ZFPM2: variants seen among roughly 807,000 people sequenced by gnomAD.
The protein encoded by ZFPM2 is zinc finger protein ZFPM2.
In ZFPM2, 20 loss-of-function variants were observed where a neutral mutation model predicts 98.6. The ratio of observed to expected loss-of-function variants is 0.20; its 90% CI spans 0.14 to 0.29. ZFPM2 has a LOEUF of 0.29. Among genes scored for constraint, ZFPM2 ranks in the 10% least tolerant of loss-of-function variants. ZFPM2 has a pLI of 1.00. For missense variants in ZFPM2, 1,310 were observed against 1,388.6 expected (o/e 0.94, Z 0.90); for synonymous variants, 518 against 502.7 (o/e 1.03, Z -0.41).
chr8:105,760,619 T>A (rs566604524), intron 5 of ZFPM2, among the ~76,000 whole-genome samples: 1 of 152,196 alleles, frequency 6.6e-6, no homozygotes, highest in East Asian at 1.9e-4. Context: ...ATTTAAATCA[T>A]GATATGGTTT....
rs200726501 is a variant in ZFPM2 at position 105,360,630 on chromosome 8, G to C, written c.40+41649G>C. On this transcript the variant is annotated intron_variant, in intron 1 of 7. Transcript: ENST00000407775. ...CAGTGCTATCCCTCCCCCCTCCCCC[G>C]ACCCCACAACAGTCCCCAGAGTGTG... Among the ~76,000 whole-genome samples, 583 of 100,722 alleles carry C rather than the reference G, an allele frequency of 5.8e-3. 5 individuals carry two copies. The highest frequency in any genetic ancestry group is 0.023 in the African/African-American group (558 of 24,308). 66.1% of individuals were successfully genotyped at this position (100,722 alleles called of 152,430 possible).
At chr8:105,391,234 T>C (rs1811101713) in intron 1 of ZFPM2, among the ~76,000 whole-genome samples, 2 of 152,218 alleles carry the variant, frequency 1.3e-5, no homozygotes, top group Admixed American at 1.3e-4. Flanking sequence ...ATTCTCACAA[T>C]GTATTGGACT....
At chr8:105,703,366 G>A (rs1449850217) in intron 5 of ZFPM2, among the ~76,000 whole-genome samples, 1 of 152,118 alleles carries the variant, frequency 6.6e-6, no homozygotes, top group Non-Finnish European at 1.5e-5. Flanking sequence ...CTACTGGGGA[G>A]AAAATCCGTA....
intron 5 of ZFPM2, among the ~76,000 whole-genome samples, chr8:105,692,598 A>G (rs1047690753): frequency 1.3e-5 from 2 of 152,252 alleles, no homozygotes; most frequent in African/African-American, 4.8e-5. Flanking sequence ...ATGGATGAAG[A>G]AAAGATTACT....
At chr8:105,325,757 A>T (rs545878121) in intron 1 of ZFPM2, among the ~76,000 whole-genome samples, 17 of 142,644 alleles carry the variant, frequency 1.2e-4, no homozygotes, top group African/African-American at 3.2e-4. Context: ...AGAGGGTGTC[A>T]TACCGTTACT....
At chr8:105,663,573 C>A (rs1438268609) in intron 5 of ZFPM2, among the ~76,000 whole-genome samples, 12 of 152,068 alleles carry the variant, frequency 7.9e-5, no homozygotes, top group African/African-American at 2.7e-4. Flanking sequence ...TATAAAATGG[C>A]TACTATTATG....
At chr8:105,456,602 T>C (rs753484204) in intron 3 of ZFPM2, among the ~76,000 whole-genome samples, 1 of 152,190 alleles carries the variant, frequency 6.6e-6, no homozygotes, top group Non-Finnish European at 1.5e-5. Flanking sequence ...TAAACTACTC[T>C]GAATCTACTA....
intron 1 of ZFPM2, among the ~76,000 whole-genome samples, chr8:105,376,127 G>A (rs1460502871): frequency 4.6e-5 from 7 of 151,968 alleles, no homozygotes; most frequent in Non-Finnish European, 1.0e-4. Flanking sequence ...TTTACTAGTG[G>A]CCTCCATTTA....
intron 1 of ZFPM2, among the ~76,000 whole-genome samples, chr8:105,405,634 A>G (rs1811435164): frequency 6.6e-6 from 1 of 151,998 alleles, no homozygotes; most frequent in Non-Finnish European, 1.5e-5. Flanking sequence ...GCTGCATAGT[A>G]TTCCATGGTG....
At chr8:105,523,618 C>G (rs931655201) in intron 3 of ZFPM2, among the ~76,000 whole-genome samples, 2 of 152,182 alleles carry the variant, frequency 1.3e-5, no homozygotes, top group African/African-American at 4.8e-5. Flanking sequence ...CTTCTCTGCT[C>G]TATTGCATCT....
intron 3 of ZFPM2, among the ~76,000 whole-genome samples, chr8:105,491,001 C>G (rs1813346088): frequency 6.6e-6 from 1 of 152,034 alleles, no homozygotes; most frequent in Admixed American, 6.5e-5. Flanking sequence ...CCCAAGACCA[C>G]TCTTCTTGAT....
intron 3 of ZFPM2, among the ~76,000 whole-genome samples, chr8:105,540,577 A>T (rs759322677): frequency 1.6e-4 from 25 of 152,254 alleles, no homozygotes; most frequent in Non-Finnish European, 2.8e-4. Flanking sequence ...CTCTTAATAA[A>T]TGTAAGTTTA....
At chr8:105,461,683 T>C (rs1439326323) in intron 3 of ZFPM2, among the ~76,000 whole-genome samples, 1 of 152,178 alleles carries the variant, frequency 6.6e-6, no homozygotes, top group African/African-American at 2.4e-5. Context: ...TTCCCATCTC[T>C]GGTATCTACT....
chr8:105,716,957 A>G (rs2130988347), intron 5 of ZFPM2, among the ~76,000 whole-genome samples: 1 of 152,202 alleles, frequency 6.6e-6, no homozygotes, highest in South Asian at 2.1e-4. Flanking sequence ...TGGTGTGTGG[A>G]ACAGGCATTC....
intron 5 of ZFPM2, among the ~76,000 whole-genome samples, chr8:105,640,437 C>T (rs925801936): frequency 6.6e-6 from 1 of 152,014 alleles, no homozygotes; most frequent in African/African-American, 2.4e-5. Context: ...GACGGCTGCA[C>T]AGCAATCTCA....
At chr8:105,415,005 A>C (rs1430864826) in intron 1 of ZFPM2, 1 of 151,842 alleles carries the variant, frequency 6.6e-6, no homozygotes, top group Non-Finnish European at 1.5e-5. Context: ...CAGCATCGTC[A>C]GGTGTGGTGA....
At chr8:105,764,256 ACTCTCTCTCTCTTT>A (rs1008405784) in intron 5 of ZFPM2, among the ~76,000 whole-genome samples, 2 of 143,924 alleles carry the variant, frequency 1.4e-5, no homozygotes, top group South Asian at 2.2e-4. Flanking sequence ...AAGGTTTAAA[ACTCTCTCTCTCTTT>A]CTCTCTCTCT....
chr8:105,683,100 T>C (rs1789088115), intron 5 of ZFPM2, among the ~76,000 whole-genome samples: 1 of 152,082 alleles, frequency 6.6e-6, no homozygotes, highest in Non-Finnish European at 1.5e-5. Context: ...ACAATTCTCA[T>C]TCATGAGGGC....
rs138061459 is a variant in ZFPM2 at position 105,725,509 on chromosome 8, T to C, written c.533-63209T>C. Reference sequence around the variant, plus strand: ...CAAAGACCAAGACAATTGTTTCATATATCAGCTGGGATACTTTTGAGAGTA... The same window carrying C: ...CAAAGACCAAGACAATTGTTTCATACATCAGCTGGGATACTTTTGAGAGTA... On this transcript the variant is annotated intron_variant, in intron 5 of 7. Transcript: ENST00000407775. Among the ~76,000 whole-genome samples, 52 of 151,902 alleles carry C rather than the reference T, an allele frequency of 3.4e-4. No homozygotes were observed. In the East Asian group the frequency reaches 6.8e-3, roughly 20 times the overall value.
Sources: gnomAD v4.1 joint callset for allele counts (sites outside exome capture counted in the v4.1 genomes callset) on GRCh38, gnomAD v4.1.1 for gene constraint, MANE v1.5 for transcripts, NCBI Gene and HGNC (gene_info 2026-07-23, HGNC 2026-07-21) for gene names.